Variants in NAA30 observed in about 807,000 individuals in gnomAD.
The protein encoded by NAA30 is N-alpha-acetyltransferase 30, NatC catalytic subunit.
Under a neutral mutation model 31.4 loss-of-function variants are expected in NAA30, and 5 were observed. The ratio of observed to expected loss-of-function variants is 0.16; its 90% CI spans 0.08 to 0.33. NAA30 has a LOEUF of 0.33. NAA30 is among the 10% of genes least tolerant of loss of function. The pLI is 1.00. For missense variants in NAA30, 428 were observed against 490.8 expected (o/e 0.87, Z 1.21); for synonymous variants, 222 against 207.1 (o/e 1.07, Z -0.62).
chr14:57,406,460 T>C (rs2066498527), intron 4 of NAA30, among the ~76,000 whole-genome samples: 1 of 152,224 alleles, frequency 6.6e-6, no homozygotes, highest in Non-Finnish European at 1.5e-5. Context: ...TAAGCTTTAG[T>C]TCATAATTGG....
At chr14:57,395,872 T>C (rs1324291596) in intron 2 of NAA30, among the ~76,000 whole-genome samples, 3 of 152,238 alleles carry the variant, frequency 2.0e-5, no homozygotes, top group Admixed American at 6.5e-5. Flanking sequence ...ACTGTGCTTT[T>C]TCTGAAAATT....
intron 4 of NAA30, 147 bp downstream of exon 4, chr14:57,400,030 AAC>A (rs1594751377): frequency 1.3e-5 from 6 of 455,846 alleles, no homozygotes; most frequent in East Asian, 3.6e-5. Context: ...TCCATTTAAA[AAC>A]ACATGAATTT....
At position 57,391,056 on chromosome 14, in the gene NAA30, C is replaced by T; in HGVS notation, c.99C>T (p.Ala33=). Residue 33 remains alanine, a synonymous_variant, in exon 2 of 5, where the codon GCC becomes GCT. Coordinates refer to ENST00000556492, the MANE Select transcript of NAA30 (RefSeq NM_001011713.3). This position sits in a 1 kb window ranked among gnomAD's most constrained non-coding sequence, Gnocchi z 4.1. ...CCCGCTGTCCCTTCCCGGCGGGGGC[C>T]GCCCTCGCCTGCTGCAGCGAGGACG... is the stretch of plus-strand genomic sequence containing the variant. The part of the protein sequence containing the change: ...VEPRCPFPAG[A]ALACCSEDEE... 1 of 1,512,684 alleles carries T rather than the reference C, an allele frequency of 6.6e-7. No homozygotes were observed. Among genetic ancestry groups the T allele is most frequent in the South Asian group, 1.3e-5 (1 of 74,852 alleles). 93.7% of individuals were successfully genotyped at this position (1,512,684 alleles called of 1,614,324 possible).
intron 3 of NAA30, among the ~76,000 whole-genome samples, chr14:57,399,107 C>T (rs971356789): frequency 6.6e-6 from 1 of 152,236 alleles, no homozygotes. Flanking sequence ...AAGTGATCCA[C>T]CTGCCTTGGC....
Position 57,414,810 on chromosome 14 carries a change from T to C in NAA30, c.*5294T>C, listed in dbSNP as rs1417216882. 6.6e-6 allele frequency: 1 copy of C among 152,196 alleles called. No homozygotes were observed. Among genetic ancestry groups the C allele is most frequent in the Non-Finnish European group, 1.5e-5 (1 of 68,040 alleles). The allele number at this position is 152,196 out of a possible 1,614,324, so 9.4% of individuals were successfully genotyped here. ...ACAGTGCCAGGCTTGGTACAACCTG[T>C]TAACACTGTTGAGGAAAGAGCTCAA... On this transcript the variant is annotated 3_prime_UTR_variant, in exon 5 of 5. Coordinates refer to ENST00000556492, the MANE Select transcript of NAA30 (RefSeq NM_001011713.3).
In NAA30 at chr14:57,391,827, T is replaced by A; in HGVS notation, c.771+99T>A. ...GAATGTGGCAGTGGATATCTCCTGC[T>A]GCGTATCATAGTACGTTATATGATG... On this transcript the variant is annotated intron_variant, in intron 2 of 4. Transcript: ENST00000556492. This position sits in a 1 kb window ranked among gnomAD's most constrained non-coding sequence, Gnocchi z 4.1. The A allele has an allele frequency of 1.2e-6, 1 of 867,164 alleles. No individual in the cohort carries two copies. Among genetic ancestry groups the A allele is most frequent in the Non-Finnish European group, 1.8e-6 (1 of 551,372 alleles). 53.7% of individuals were successfully genotyped at this position (867,164 alleles called of 1,614,324 possible). A position where few individuals can be genotyped will look rare whatever the true frequency, so the allele number is the denominator to read the frequency against.
At chr14:57,394,992 G>T (rs933142826) in intron 2 of NAA30, among the ~76,000 whole-genome samples, 8 of 152,040 alleles carry the variant, frequency 5.3e-5, no homozygotes, top group Non-Finnish European at 7.4e-5. Flanking sequence ...GTATTTATAC[G>T]TGTCTGTATA....
At chr14:57,398,038 A>T (rs1455620265) in intron 3 of NAA30, among the ~76,000 whole-genome samples, 1 of 152,152 alleles carries the variant, frequency 6.6e-6, no homozygotes, top group Non-Finnish European at 1.5e-5. Context: ...GAGTATTCAT[A>T]AAAAAAAGTT....
Position 57,409,445 on chromosome 14 carries a change from C to A in NAA30, c.1018C>A (p.Arg340=). ...LKLYENLGFV[R]DKRLFRYYLN... is the part of the protein sequence containing the mutation. The stretch of plus-strand genomic sequence containing the variant: ...ACTTTATGAAAATCTTGGTTTTGTT[C>A]GAGATAAGAGGCTGTTCAGATACTA... The change falls in exon 5 of 5, where the codon CGA becomes AGA. Residue 340 remains arginine, a synonymous_variant. Coordinates refer to ENST00000556492, the MANE Select transcript of NAA30 (RefSeq NM_001011713.3). 6.2e-7 allele frequency: 1 copy of A among 1,611,588 alleles called. No homozygotes were observed. The highest frequency in any genetic ancestry group is 8.5e-7 in the Non-Finnish European group (1 of 1,178,910).
intron 3 of NAA30, among the ~76,000 whole-genome samples, chr14:57,397,573 C>T (rs898113481): frequency 6.6e-6 from 1 of 152,132 alleles, no homozygotes; most frequent in Non-Finnish European, 1.5e-5. Flanking sequence ...TGATTAAGAA[C>T]CACTCTTCTA....
chr14:57,415,173 G>C lies in NAA30; in HGVS notation c.*5657G>C, dbSNP rs2066541914. 6.6e-6 allele frequency: 1 copy of C among 152,100 alleles called. No individual in the cohort carries two copies. The highest frequency in any genetic ancestry group is 1.5e-5 in the Non-Finnish European group (1 of 68,016). 9.4% of individuals were successfully genotyped at this position (152,100 alleles called of 1,614,324 possible). A position where few individuals can be genotyped will look rare whatever the true frequency, so the allele number is the denominator to read the frequency against. ...AAGGACCTGCTTTTAAAGAAATTGT[G>C]TAAAGACATTTGTTATTGGATGTGT... On this transcript the variant is annotated 3_prime_UTR_variant, in exon 5 of 5. Coordinates refer to ENST00000556492, the MANE Select transcript of NAA30 (RefSeq NM_001011713.3).
intron 4 of NAA30, among the ~76,000 whole-genome samples, chr14:57,404,367 G>C (rs896967154): frequency 1.3e-5 from 2 of 152,098 alleles, no homozygotes; most frequent in African/African-American, 4.8e-5. Context: ...CTGTGAATAT[G>C]AATAGCCAGA....
Position 57,409,565 on chromosome 14 carries a change from CAT to C in NAA30, c.*50_*51del, listed in dbSNP as rs1566551862. On this transcript the variant is annotated 3_prime_UTR_variant, in exon 5 of 5. Transcript: ENST00000556492. ...ATCATCCGCACAGAATCGACCTTTG[CAT>C]GCAATGCAATTTGTACAGAATTGCT... The C allele has an allele frequency of 4.6e-6, 7 of 1,532,664 alleles. No individual in the cohort carries two copies. Among genetic ancestry groups the C allele is most frequent in the Non-Finnish European group, 6.1e-6 (7 of 1,143,196 alleles). 94.9% of individuals were successfully genotyped at this position (1,532,664 alleles called of 1,614,324 possible).
At chr14:57,405,792 A>T (rs951464247) in intron 4 of NAA30, among the ~76,000 whole-genome samples, 1 of 152,248 alleles carries the variant, frequency 6.6e-6, no homozygotes, top group Admixed American at 6.5e-5. Context: ...TCTAGCAGTG[A>T]ACAAGCCTGC....
rs919085493 is a variant in NAA30 at position 57,411,027 on chromosome 14, T to G, written c.*1511T>G. The G allele has an allele frequency of 4.6e-5, 7 of 152,216 alleles. No homozygotes were observed. 9.4% of individuals were successfully genotyped at this position (152,216 alleles called of 1,614,324 possible). A position where few individuals can be genotyped will look rare whatever the true frequency, so the allele number is the denominator to read the frequency against. On this transcript the variant is annotated 3_prime_UTR_variant, in exon 5 of 5. Coordinates refer to ENST00000556492, the MANE Select transcript of NAA30 (RefSeq NM_001011713.3). ...TTAAAAACCCTACCTCCATTAACAGTTGGTAAAGGCCCCTTTTCAGGAAAG... is the reference window on the plus strand; with the variant it reads ...TTAAAAACCCTACCTCCATTAACAGGTGGTAAAGGCCCCTTTTCAGGAAAG...
chr14:57,415,766 G>C lies in NAA30; in HGVS notation c.*6250G>C, dbSNP rs2066544472. On this transcript the variant is annotated 3_prime_UTR_variant, in exon 5 of 5. Coordinates refer to ENST00000556492, the MANE Select transcript of NAA30 (RefSeq NM_001011713.3). ...GGTTATTGATCATTTTTAAGGGGCT[G>C]AACCTGCTGCCTTTATACTTTTGAC... The C allele has an allele frequency of 6.6e-6, 1 of 152,120 alleles. No individual in the cohort carries two copies. Among genetic ancestry groups the C allele is most frequent in the African/African-American group, 2.4e-5 (1 of 41,416 alleles). The allele number at this position is 152,120 out of a possible 1,614,324, so 9.4% of individuals were successfully genotyped here. A position where few individuals can be genotyped will look rare whatever the true frequency, so the allele number is the denominator to read the frequency against.
In NAA30 at chr14:57,391,872, C is replaced by T; in HGVS notation, c.771+144C>T. On this transcript the variant is annotated intron_variant, in intron 2 of 4. Transcript: ENST00000556492. The surrounding 1 kb of genome is among the most constrained non-coding windows in gnomAD (Gnocchi z 4.1). ...ATGATGTCAAGTGCTGTACACATTC[C>T]TAGTTATTTAATGAAATTGTTTTGA... 1 of 689,480 alleles carries T rather than the reference C, an allele frequency of 1.5e-6. No homozygotes were observed. Among genetic ancestry groups the T allele is most frequent in the Non-Finnish European group, 2.4e-6 (1 of 410,736 alleles). The allele number at this position is 689,480 out of a possible 1,614,324, so 42.7% of individuals were successfully genotyped here. A position where few individuals can be genotyped will look rare whatever the true frequency, so the allele number is the denominator to read the frequency against.
In NAA30 at chr14:57,410,759, T is replaced by TA. The variant is rs1403768106; in HGVS notation, c.*1244dup. The TA allele has an allele frequency of 2.2e-4, 33 of 152,642 alleles. No individual in the cohort carries two copies. Among genetic ancestry groups the TA allele is most frequent in the Admixed American group, 2.0e-3 (30 of 15,296 alleles). The allele number at this position is 152,642 out of a possible 1,614,324, so 9.5% of individuals were successfully genotyped here. A position where few individuals can be genotyped will look rare whatever the true frequency, so the allele number is the denominator to read the frequency against. On this transcript the variant is annotated 3_prime_UTR_variant, in exon 5 of 5. Transcript: ENST00000556492. Reference sequence around the variant, plus strand: ...TTTTCTTAACAGCCACCATGTTTATTAGTTACATTGTGTTTTGGCCAATCA... The same window carrying TA: ...TTTTCTTAACAGCCACCATGTTTATTAAGTTACATTGTGTTTTGGCCAATCA...
At chr14:57,399,632 A>C (rs1176568469) in intron 3 of NAA30, among the ~76,000 whole-genome samples, 196 bp from the exon 4 acceptor site, 1 of 152,246 alleles carries the variant, frequency 6.6e-6, no homozygotes, top group Non-Finnish European at 1.5e-5. Context: ...AAGAGGAAAC[A>C]TACTGTTATG....
Sources: allele counts gnomAD v4.1 joint callset (sites outside exome capture counted in the v4.1 genomes callset), GRCh38; gene constraint gnomAD v4.1.1; non-coding constraint Gnocchi (gnomAD v3.1); transcripts MANE v1.5; gene names NCBI Gene and HGNC (gene_info 2026-07-23, HGNC 2026-07-21).